Variants in MCM10 observed in about 807,000 individuals in gnomAD.
MCM10 encodes the protein protein MCM10 homolog.
Under a neutral mutation model 109.9 loss-of-function variants are expected in MCM10, and 91 were observed. That is an observed-to-expected ratio of 0.83 (90% CI 0.70 to 0.99). The LOEUF (loss-of-function observed/expected upper bound fraction) is 0.99. Among genes scored for constraint, MCM10 ranks in the 50% least tolerant of loss-of-function variants. The pLI, the probability that MCM10 is intolerant of heterozygous loss-of-function variation, is 0.00. For synonymous variants in MCM10, 380 were observed against 387.2 expected (o/e 0.98, Z 0.22); for missense variants, 1,077 against 1,061.2 (o/e 1.01, Z -0.21).
chr10:13,177,772 G>A (rs551284803), intron 6 of MCM10, among the ~76,000 whole-genome samples: 1 of 151,522 alleles, frequency 6.6e-6, no homozygotes, highest in African/African-American at 2.4e-5. Flanking sequence ...GGTAGGCTGA[G>A]TGGGGAAGTC....
In MCM10 at chr10:13,175,544, A is replaced by T. The variant is rs764864745; in HGVS notation, c.627A>T (p.Ala209=). The change falls in exon 6 of 20, where the codon GCA becomes GCT. Residue 209 remains alanine (A), a synonymous_variant. Coordinates refer to ENST00000378714, the MANE Select transcript of MCM10 (RefSeq NM_018518.5). Reference sequence around the variant, plus strand: ...GCTCATCTTCAAGGATGACAAGTGCACCCTCCCAACCCCTACAGACGATTT... The same window carrying T: ...GCTCATCTTCAAGGATGACAAGTGCTCCCTCCCAACCCCTACAGACGATTT... The part of the protein sequence containing the change: ...PKSSSSRMTS[A]PSQPLQTISR... 4 of 1,613,962 alleles carry T rather than the reference A, an allele frequency of 2.5e-6. No individual in the cohort carries two copies. In the East Asian group the frequency reaches 8.9e-5, roughly 36 times the overall value.
chr10:13,177,320 C>T (rs774338994), intron 6 of MCM10, among the ~76,000 whole-genome samples: 3 of 152,206 alleles, frequency 2.0e-5, no homozygotes, highest in East Asian at 3.9e-4. Context: ...AGAAATTCCC[C>T]GACACAGGTC....
intron 8 of MCM10, among the ~76,000 whole-genome samples, chr10:13,185,002 A>G (rs1159038134): frequency 1.3e-5 from 2 of 152,130 alleles, no homozygotes; most frequent in Non-Finnish European, 2.9e-5. Context: ...TTCAGCATAA[A>G]CCAAGCTACC....
At position 13,185,907 on chromosome 10, in the gene MCM10, C is replaced by T. The variant is rs192241187; in HGVS notation, c.1099-257C>T. Reference sequence around the variant, plus strand: ...CCCCAAGTAACTGGGACTACATGCACGCACTACCATGCCTGGCTAATTTTT... The same window carrying T: ...CCCCAAGTAACTGGGACTACATGCATGCACTACCATGCCTGGCTAATTTTT... On this transcript the variant is annotated intron_variant, in intron 8 of 19. Coordinates refer to ENST00000378714, the MANE Select transcript of MCM10 (RefSeq NM_018518.5). Among the ~76,000 whole-genome samples the T allele has an allele frequency of 3.9e-5, 6 of 152,248 alleles. No homozygotes were observed. The East Asian group carries it at 5.8e-4, about 15-fold the overall frequency.
chr10:13,189,104 T>C (rs1282370841), intron 10 of MCM10, 24 bp downstream of exon 10: 1 of 1,613,486 alleles, frequency 6.2e-7, no homozygotes, highest in Non-Finnish European at 8.5e-7. Context: ...GGGCTTCTTT[T>C]GGGCAGAGGA....
intron 14 of MCM10, among the ~76,000 whole-genome samples, chr10:13,196,367 C>G (rs1322447750): frequency 2.0e-5 from 3 of 152,106 alleles, no homozygotes; most frequent in Admixed American, 2.0e-4. Flanking sequence ...GCAGCTGCAG[C>G]CAAATGAAGG....
chr10:13,196,675 A>C (rs1487549159), intron 14 of MCM10, among the ~76,000 whole-genome samples: 2 of 151,630 alleles, frequency 1.3e-5, no homozygotes, highest in African/African-American at 2.4e-5. Flanking sequence ...ACCATGCCTG[A>C]CTAATTTTTG....
intron 1 of MCM10, among the ~76,000 whole-genome samples, chr10:13,163,417 A>G (rs1833953500): frequency 6.6e-6 from 1 of 152,250 alleles, no homozygotes; most frequent in Non-Finnish European, 1.5e-5. Context: ...TAAGTTAAAT[A>G]AGAGCCTAGA....
At chr10:13,192,409 C>T in intron 12 of MCM10, 42 bp from the exon 13 acceptor site, 1 of 1,611,634 alleles carries the variant, frequency 6.2e-7, no homozygotes, top group Non-Finnish European at 8.5e-7. Flanking sequence ...TGTGTTCCCT[C>T]AGCCTCCCAG....
chr10:13,199,413 T>C (rs760440152), intron 16 of MCM10, among the ~76,000 whole-genome samples: 10 of 152,240 alleles, frequency 6.6e-5, no homozygotes, highest in Non-Finnish European at 1.5e-4. Flanking sequence ...TAAATGGCTC[T>C]ACACTGCTGC....
chr10:13,182,873 C>A lies in MCM10; in HGVS notation c.931-60C>A. 7.4e-7 allele frequency: 1 copy of A among 1,357,980 alleles called. No homozygotes were observed. The highest frequency in any genetic ancestry group is 1.0e-6 in the Non-Finnish European group (1 of 982,180). The allele number at this position is 1,357,980 out of a possible 1,614,324, so 84.1% of individuals were successfully genotyped here. A position where few individuals can be genotyped will look rare whatever the true frequency, so the allele number is the denominator to read the frequency against. ...GTTTTCCATAGTAAAACTCTTGAAT[C>A]ATAAATGAGGACGGCATAACCTACA... On this transcript the variant is annotated intron_variant, in intron 7 of 19. Transcript: ENST00000378714. The surrounding 1 kb of genome is among the most constrained non-coding windows in gnomAD (Gnocchi z 4.2).
intron 14 of MCM10, 148 bp downstream of exon 14, chr10:13,195,417 A>G (rs1834404392): frequency 4.8e-6 from 3 of 629,316 alleles, no homozygotes; most frequent in Non-Finnish European, 5.4e-6. Context: ...ATAATACTAA[A>G]AGAAAGTTAG....
chr10:13,163,074 CAAA>C (rs34121679), intron 1 of MCM10, among the ~76,000 whole-genome samples: 1 of 115,558 alleles, frequency 8.7e-6, no homozygotes. Context: ...GACTCCGTCT[CAAA>C]AAAAAAAAAA....
intron 6 of MCM10, among the ~76,000 whole-genome samples, chr10:13,179,537 G>T (rs1834183025): frequency 6.6e-6 from 1 of 152,192 alleles, no homozygotes; most frequent in African/African-American, 2.4e-5. Flanking sequence ...TTCTGTTCCA[G>T]AAGACTCATG....
intron 11 of MCM10, among the ~76,000 whole-genome samples, 164 bp downstream of exon 11, chr10:13,191,563 T>TAAGCAAGC (rs35273956): frequency 2.0e-5 from 3 of 151,242 alleles, no homozygotes; most frequent in African/African-American, 2.4e-5. Context: ...AATAAATAAA[T>TAAGCAAGC]AAGCAAGCAA....
intron 8 of MCM10, among the ~76,000 whole-genome samples, chr10:13,184,204 G>A (rs115893519): frequency 1.6e-3 from 241 of 152,074 alleles, no homozygotes; most frequent in African/African-American, 5.6e-3. Flanking sequence ...TGTTGCCCAG[G>A]TTTGTCTCGA....
chr10:13,180,182 C>T (rs1032511637), intron 6 of MCM10, among the ~76,000 whole-genome samples: 3 of 151,652 alleles, frequency 2.0e-5, no homozygotes, highest in Non-Finnish European at 2.9e-5. Context: ...ACCTGGGAGG[C>T]GGAGGCCGCA....
At chr10:13,205,858 G>T (rs192243571) in intron 18 of MCM10, among the ~76,000 whole-genome samples, 2 of 152,230 alleles carry the variant, frequency 1.3e-5, no homozygotes, top group East Asian at 1.9e-4. Context: ...ACTTTTGGGG[G>T]CAACATCAGA....
intron 5 of MCM10, among the ~76,000 whole-genome samples, chr10:13,173,926 A>G (rs1226162375): frequency 1.3e-5 from 2 of 152,150 alleles, no homozygotes; most frequent in Non-Finnish European, 2.9e-5. Flanking sequence ...TGAAAGAGAG[A>G]GTGATATTTT....
Sources: gnomAD v4.1 joint callset for allele counts (sites outside exome capture counted in the v4.1 genomes callset) on GRCh38, gnomAD v4.1.1 for gene constraint, Gnocchi (gnomAD v3.1) non-coding constraint, MANE v1.5 for transcripts, NCBI Gene and HGNC (gene_info 2026-07-23, HGNC 2026-07-21) for gene names.